Variants in ACYP2 observed in about 807,000 individuals in gnomAD.
ACYP2 encodes the protein acylphosphatase 2.
In ACYP2, 12 loss-of-function variants were observed where a neutral mutation model predicts 11.2. That is an observed-to-expected ratio of 1.08 (90% CI 0.69 to 1.74). The LOEUF (loss-of-function observed/expected upper bound fraction) is 1.74. Among genes scored for constraint, ACYP2 ranks in the 40% most tolerant of loss-of-function variants. The pLI is 0.00. For synonymous variants in ACYP2, 43 were observed against 32.2 expected (o/e 1.33, Z -1.13); for missense variants, 134 against 101.9 (o/e 1.31, Z -1.35).
chr2:54,081,823 G>A (rs927912630), intron 4 of ACYP2, among the ~76,000 whole-genome samples: 2 of 152,198 alleles, frequency 1.3e-5, no homozygotes, highest in Admixed American at 6.5e-5. Context: ...CACCTGGAGG[G>A]GTGACTGGCC....
intron 6 of ACYP2, among the ~76,000 whole-genome samples, chr2:54,197,131 C>CAG (rs1388300873): frequency 6.6e-6 from 1 of 152,096 alleles, no homozygotes; most frequent in East Asian, 1.9e-4. Flanking sequence ...AAGCCTGAGA[C>CAG]AGTGAGTGGT....
chr2:54,219,256 A>T (rs528904112), intron 6 of ACYP2, among the ~76,000 whole-genome samples: 1 of 152,250 alleles, frequency 6.6e-6, no homozygotes, highest in Admixed American at 6.5e-5. Flanking sequence ...AGATAGGTCA[A>T]ATATTATACA....
Position 54,240,998 on chromosome 2 carries a change from G to T in ACYP2, c.405-63690G>T, listed in dbSNP as rs963859626. On this transcript the variant is annotated intron_variant, in intron 6 of 6. Coordinates refer to ENST00000607452, the MANE Select transcript of ACYP2 (RefSeq NM_001320586.2). ...CTTTATTTTTCTTGGTAAAGTCTTTGCTTATAATCTGGCAGCCTTTATTTG... is the reference window on the plus strand; with the variant it reads ...CTTTATTTTTCTTGGTAAAGTCTTTTCTTATAATCTGGCAGCCTTTATTTG... 4.6e-5 allele frequency among the ~76,000 whole-genome samples: 7 copies of T among 152,104 alleles called. No homozygotes were observed. The East Asian group carries it at 1.3e-3, about 29-fold the overall frequency.
Position 54,135,536 on chromosome 2 carries a change from G to A in ACYP2, c.294+67G>A, listed in dbSNP as rs1572835722. On this transcript the variant is annotated intron_variant, in intron 5 of 6. Transcript: ENST00000607452. ...ACTGTTATTCCCAATTACAGAGATA[G>A]GGCAGTTTTCTACTTGGCGCTAGTC... The A allele has an allele frequency of 2.8e-6, 4 of 1,448,394 alleles. No homozygotes were observed. In the East Asian group the frequency reaches 9.2e-5, roughly 33 times the overall value. The allele number at this position is 1,448,394 out of a possible 1,614,324, so 89.7% of individuals were successfully genotyped here.
intron 6 of ACYP2, among the ~76,000 whole-genome samples, chr2:54,261,678 A>C (rs1288876337): frequency 6.6e-6 from 1 of 152,222 alleles, no homozygotes; most frequent in Non-Finnish European, 1.5e-5. Flanking sequence ...TAAATTCTTT[A>C]AACAACATTG....
At chr2:54,231,797 CG>C (rs1686248388) in intron 6 of ACYP2, among the ~76,000 whole-genome samples, 1 of 152,162 alleles carries the variant, frequency 6.6e-6, no homozygotes, top group Non-Finnish European at 1.5e-5. Flanking sequence ...TCCTGCCTCT[CG>C]GGCACGCCAC....
intron 4 of ACYP2, among the ~76,000 whole-genome samples, chr2:54,116,019 C>T (rs567219118): frequency 3.9e-5 from 6 of 152,028 alleles, no homozygotes; most frequent in African/African-American, 1.4e-4. Context: ...CAGAAGTGGG[C>T]GGCTGCTGGG....
intron 2 of ACYP2, among the ~76,000 whole-genome samples, chr2:54,006,897 G>T (rs1192082675): frequency 6.6e-6 from 1 of 151,978 alleles, no homozygotes; most frequent in Non-Finnish European, 1.5e-5. Flanking sequence ...GACCGAGGCG[G>T]ATGGATCACT....
chr2:54,261,273 C>A (rs1687763471), intron 6 of ACYP2, among the ~76,000 whole-genome samples: 1 of 151,730 alleles, frequency 6.6e-6, no homozygotes, highest in South Asian at 2.1e-4. Flanking sequence ...AACTTTGGAG[C>A]CTGAAATATT....
At chr2:54,217,032 TTTTTA>T (rs1467335539) in intron 6 of ACYP2, among the ~76,000 whole-genome samples, 20 of 152,360 alleles carry the variant, frequency 1.3e-4, no homozygotes, top group African/African-American at 4.6e-4. Context: ...TTCTAATATA[TTTTTA>T]TTTTATTTCC....
chr2:54,121,492 A>G (rs1680156116), intron 4 of ACYP2, among the ~76,000 whole-genome samples: 1 of 152,180 alleles, frequency 6.6e-6, no homozygotes, highest in Non-Finnish European at 1.5e-5. Flanking sequence ...GCTATAACTG[A>G]GATGAATACC....
chr2:54,084,652 AG>A (rs1677850803), intron 4 of ACYP2: 1 of 152,252 alleles, frequency 6.6e-6, no homozygotes, highest in Admixed American at 6.5e-5. Flanking sequence ...GTTTGCTGGA[AG>A]TAAAAATCAC....
chr2:54,126,135 AAC>A lies in ACYP2; in HGVS notation c.278-9314_278-9313del, dbSNP rs1558549056. Among the ~76,000 whole-genome samples the A allele has an allele frequency of 5.3e-5, 8 of 152,314 alleles. No individual in the cohort carries two copies. In the South Asian group the frequency reaches 1.7e-3, roughly 32 times the overall value. The stretch of plus-strand genomic sequence containing the variant: ...GAGATTTATTTGAGAAACATTTAAA[AAC>A]ACAACGGAAACTTCATAGGCCAGTT... On this transcript the variant is annotated intron_variant, in intron 4 of 6. Transcript: ENST00000607452.
At chr2:54,083,599 AC>A (rs60674360) in intron 4 of ACYP2, among the ~76,000 whole-genome samples, 37,790 of 152,052 alleles carry the variant, frequency 0.25, 5,275 homozygotes, top group South Asian at 0.47. Flanking sequence ...GATTAAAAGA[AC>A]CAAACACATG....
At chr2:54,052,230 A>G (rs949552248) in intron 3 of ACYP2, among the ~76,000 whole-genome samples, 1 of 152,144 alleles carries the variant, frequency 6.6e-6, no homozygotes, top group Non-Finnish European at 1.5e-5. Flanking sequence ...CATTCCTTTC[A>G]AAGAAAAACA....
intron 4 of ACYP2, among the ~76,000 whole-genome samples, chr2:54,076,858 C>G (rs1466467655): frequency 1.3e-5 from 2 of 152,108 alleles, no homozygotes; most frequent in African/African-American, 4.8e-5. Context: ...TATACTGAGT[C>G]CTGAAAGTTG....
intron 2 of ACYP2, among the ~76,000 whole-genome samples, chr2:53,980,208 C>G (rs1671681666): frequency 6.6e-6 from 1 of 151,848 alleles, no homozygotes; most frequent in Admixed American, 6.6e-5. Flanking sequence ...TAAAAATTAG[C>G]CAGGCGTTAT....
chr2:53,997,776 AAAAAT>A (rs1319836134), intron 2 of ACYP2, among the ~76,000 whole-genome samples: 2 of 152,230 alleles, frequency 1.3e-5, no homozygotes, highest in South Asian at 2.1e-4. Flanking sequence ...CAGAATTGCA[AAAAAT>A]AAAATAAAAT....
intron 2 of ACYP2, among the ~76,000 whole-genome samples, chr2:53,985,675 C>T (rs747167345): frequency 6.6e-6 from 1 of 152,140 alleles, no homozygotes; most frequent in Admixed American, 6.6e-5. Context: ...CCCTCCAAAC[C>T]TCATGTTGCA....
Sources: gnomAD v4.1 joint callset for allele counts (sites outside exome capture counted in the v4.1 genomes callset) on GRCh38, gnomAD v4.1.1 for gene constraint, MANE v1.5 for transcripts, NCBI Gene and HGNC (gene_info 2026-07-23, HGNC 2026-07-21) for gene names.